Variants in ESRRA observed in about 807,000 individuals in gnomAD.
ESRRA encodes steroid hormone receptor ERR1.
Under a neutral mutation model 35.6 loss-of-function variants are expected in ESRRA, and 7 were observed. That is an observed-to-expected ratio of 0.20 (90% CI 0.11 to 0.37). The LOEUF (loss-of-function observed/expected upper bound fraction) is 0.37, where lower values mean the gene tolerates loss of function less well. Among genes scored for constraint, ESRRA ranks in the 10% least tolerant of loss-of-function variants. The pLI, the probability that ESRRA is intolerant of heterozygous loss-of-function variation, is 1.00. For missense variants in ESRRA, 378 were observed against 561.7 expected, an observed-to-expected ratio of 0.67 and a Z score of 3.31; for synonymous variants, 223 against 246.9, an observed-to-expected ratio of 0.90 and a Z score of 0.91.
chr11:64,310,738 G>C (rs1356192852), intron 2 of ESRRA, among the ~76,000 whole-genome samples: 4 of 151,828 alleles, frequency 2.6e-5, no homozygotes, highest in African/African-American at 9.7e-5. Flanking sequence ...AGTAGGGATG[G>C]GGTTTCACCA....
intron 1 of ESRRA, 84 bp from the exon 2 acceptor site, chr11:64,307,084 C>G (rs529323532): frequency 1.6e-6 from 2 of 1,233,906 alleles, no homozygotes; most frequent in Non-Finnish European, 2.2e-6. Flanking sequence ...GCCCTAGGCC[C>G]GAGGTTGGGC....
chr11:64,311,738 G>T (rs1403335275), intron 2 of ESRRA, among the ~76,000 whole-genome samples: 1 of 149,980 alleles, frequency 6.7e-6, no homozygotes, highest in Non-Finnish European at 1.5e-5. Flanking sequence ...CTGTTGCCAG[G>T]CTATAGTACA....
intron 2 of ESRRA, among the ~76,000 whole-genome samples, chr11:64,312,818 G>A (rs535544290): frequency 6.6e-6 from 1 of 152,318 alleles, no homozygotes; most frequent in African/African-American, 2.4e-5. Flanking sequence ...AGTGAGCAGA[G>A]GGAGGTGAGG....
chr11:64,306,048 TG>T (rs1223229953), intron 1 of ESRRA, among the ~76,000 whole-genome samples: 1 of 151,962 alleles, frequency 6.6e-6, no homozygotes, highest in Non-Finnish European at 1.5e-5. Context: ...CCGAAGTCCC[TG>T]GGGCTGGCCG....
intron 5 of ESRRA, 29 bp downstream of exon 5, chr11:64,314,940 C>T (rs771153783): frequency 1.9e-5 from 31 of 1,607,136 alleles, no homozygotes; most frequent in Non-Finnish European, 2.4e-5. Flanking sequence ...CCGGGGCTGC[C>T]CTGAACGGGC....
chr11:64,312,387 A>C (rs1420638502), intron 2 of ESRRA, among the ~76,000 whole-genome samples: 1 of 150,376 alleles, frequency 6.6e-6, no homozygotes, highest in Non-Finnish European at 1.5e-5. Context: ...TGATCCACCC[A>C]CCTCGGTCTC....
rs2035218923 is a variant in ESRRA, at chr11:64,315,075, G to A, written c.817G>A (p.Val273Met). The A allele has an allele frequency of 6.2e-7, 1 of 1,609,908 alleles. No homozygotes were observed. Among genetic ancestry groups the A allele is most frequent in the Non-Finnish European group, 8.5e-7 (1 of 1,179,308 alleles). ...SVWMEVLVLGVAQRSLPLQDE... is the reference protein window; with the variant it reads ...SVWMEVLVLGMAQRSLPLQDE... ...GTGGATGGAGGTGCTGGTGCTGGGT[G>A]TGGCCCAGCGCTCACTGCCACTGCA... is the stretch of plus-strand genomic sequence containing the variant. Residue 273 changes from valine (V) to methionine (M), a missense_variant, in exon 6 of 7, where the codon GTG (valine) becomes ATG (methionine). By Grantham distance (21) the Val-to-Met change is conservative. Transcript: ENST00000000442.
chr11:64,315,026 CCAGATGT>C lies in ESRRA; in HGVS notation c.772_778del (p.Met258TyrfsTer31), dbSNP rs1480124961. On this transcript the variant is annotated frameshift_variant, in exon 6 of 7. Coordinates refer to ENST00000000442, the MANE Select transcript of ESRRA (RefSeq NM_004451.5). LOFTEE classifies it high-confidence loss of function. ...GCTTCTCATCGCTGTCGCTGTCTGA[CCAGATGT>C]CAGTACTGCAGAGCGTGTGGATGGA... 6.2e-7 allele frequency: 1 copy of C among 1,602,680 alleles called. No individual in the cohort carries two copies. The highest frequency in any genetic ancestry group is 1.3e-5 in the African/African-American group (1 of 74,866).
Position 64,307,242 on chromosome 11 carries a change from C to G in ESRRA, c.63C>G (p.Asp21Glu), listed in dbSNP as rs1462009441. 2 of 1,612,552 alleles carry G rather than the reference C, an allele frequency of 1.2e-6. No homozygotes were observed. ...TCAAGGCAGAGCCGGCCAGCCCTGA[C>G]AGTCCAAAGGGTTCCTCGGAGACAG... is the stretch of plus-strand genomic sequence containing the variant. ...LYIKAEPASP[D>E]SPKGSSETET... is the part of the protein sequence containing the mutation. The change falls in exon 2 of 7, where the codon GAC (aspartate) becomes GAG (glutamate). Residue 21 changes from aspartate (D) to glutamate (E), a missense_variant. Coordinates refer to ENST00000000442, the MANE Select transcript of ESRRA (RefSeq NM_004451.5).
rs1565377066 is a variant in ESRRA, at chr11:64,313,687, G to A, written c.326-264G>A. 3 of 393,058 alleles carry A rather than the reference G, an allele frequency of 7.6e-6. No homozygotes were observed. The highest frequency in any genetic ancestry group is 6.6e-4 in the Middle Eastern group (1 of 1,520). 24.3% of individuals were successfully genotyped at this position (393,058 alleles called of 1,614,324 possible). On this transcript the variant is annotated intron_variant, in intron 2 of 6. Coordinates refer to ENST00000000442, the MANE Select transcript of ESRRA (RefSeq NM_004451.5). This position sits in a 1 kb window ranked among gnomAD's most constrained non-coding sequence, Gnocchi z 4.0. ...AGAGGTCCTTGTGGCCCTTGATGTC[G>A]GCAGATGAGGGCAGTGTGGTCCAGA...
At chr11:64,314,138 G>A in intron 3 of ESRRA, 71 bp downstream of exon 3, 1 of 1,553,364 alleles carries the variant, frequency 6.4e-7, no homozygotes, top group Non-Finnish European at 8.7e-7. Flanking sequence ...GGTGAGGCCT[G>A]GGAGTTCTGG....
intron 1 of ESRRA, 126 bp from the exon 2 acceptor site, chr11:64,307,042 C>A (rs756021653): frequency 1.7e-5 from 12 of 714,744 alleles, no homozygotes; most frequent in East Asian, 2.9e-5. Context: ...CTCTGCCCCC[C>A]TTCTTCCCCA....
At chr11:64,308,981 G>T (rs1198333667) in intron 2 of ESRRA, among the ~76,000 whole-genome samples, 2 of 151,800 alleles carry the variant, frequency 1.3e-5, no homozygotes, top group Non-Finnish European at 2.9e-5. Flanking sequence ...CAAGCATGGT[G>T]GCATGCGCCT....
chr11:64,311,841 C>T (rs1222828539), intron 2 of ESRRA, among the ~76,000 whole-genome samples: 3 of 151,444 alleles, frequency 2.0e-5, no homozygotes, highest in African/African-American at 4.9e-5. Context: ...TACAGGCACA[C>T]GCCCAGCTAA....
Position 64,315,581 on chromosome 11 carries a change from TCA to T in ESRRA, c.1013-125_1013-124del, listed in dbSNP as rs2035232641. ...GAGCCGCAGCAATGAGTGGTGCCTC[TCA>T]GTCAGCCAATCAACAAATCCTCGTT... On this transcript the variant is annotated intron_variant, in intron 6 of 6. Coordinates refer to ENST00000000442, the MANE Select transcript of ESRRA (RefSeq NM_004451.5). 4 of 1,339,968 alleles carry T rather than the reference TCA, an allele frequency of 3.0e-6. No homozygotes were observed. In the Admixed American group the frequency reaches 7.6e-5, roughly 26 times the overall value. The allele number at this position is 1,339,968 out of a possible 1,614,324, so 83.0% of individuals were successfully genotyped here.
chr11:64,316,557 T>C lies in ESRRA; in HGVS notation c.*591T>C, dbSNP rs888783404. ...GTAGGAGAGCACTGCCTCTATGCCCTGCAGAGCAATAACACTATATTTATT... is the reference window on the plus strand; with the variant it reads ...GTAGGAGAGCACTGCCTCTATGCCCCGCAGAGCAATAACACTATATTTATT... On this transcript the variant is annotated 3_prime_UTR_variant, in exon 7 of 7. Transcript: ENST00000000442. 7 of 331,876 alleles carry C rather than the reference T, an allele frequency of 2.1e-5. No homozygotes were observed. The highest frequency in any genetic ancestry group is 2.3e-5 in the Non-Finnish European group (4 of 176,120). The allele number at this position is 331,876 out of a possible 1,614,324, so 20.6% of individuals were successfully genotyped here.
intron 3 of ESRRA, 58 bp downstream of exon 3, chr11:64,314,125 G>A (rs753225267): frequency 2.6e-6 from 4 of 1,549,994 alleles, no homozygotes; most frequent in East Asian, 2.3e-5. Flanking sequence ...CGGGCCAGGT[G>A]GGGGTGAGGC....
chr11:64,315,146 G>A lies in ESRRA; in HGVS notation c.888G>A (p.Gly296=). ...AGGACTTAGTCCTGGATGAAGAGGG[G>A]GCACGGGCAGCTGGCCTGGGGGAAC... The part of the protein sequence containing the change: ...FAEDLVLDEE[G]ARAAGLGELG... The change falls in exon 6 of 7, where the codon GGG becomes GGA. Residue 296 remains glycine, a synonymous_variant. Transcript: ENST00000000442. 1 of 1,612,888 alleles carries A rather than the reference G, an allele frequency of 6.2e-7. No individual in the cohort carries two copies. The highest frequency in any genetic ancestry group is 8.5e-7 in the Non-Finnish European group (1 of 1,180,002).
Position 64,315,261 on chromosome 11 carries a change from G to A in ESRRA, c.1003G>A (p.Ala335Thr), listed in dbSNP as rs2035223790. ...TGTTCTACTAAAGGCCTTGGCCCTT[G>A]CCAATTCAGGTGAGTCTGGGGCAGG... ...EYVLLKALAL[A>T]NSDSVHIEDA... The change falls in exon 6 of 7, where the codon GCC becomes ACC. Residue 335 changes from alanine to threonine, a missense_variant. Transcript: ENST00000000442. 1 of 1,559,856 alleles carries A rather than the reference G, an allele frequency of 6.4e-7. No individual in the cohort carries two copies. The highest frequency in any genetic ancestry group is 1.8e-5 in the Admixed American group (1 of 54,390).
Sources: gnomAD v4.1 joint callset for allele counts (sites outside exome capture counted in the v4.1 genomes callset) on GRCh38, gnomAD v4.1.1 for gene constraint, Gnocchi (gnomAD v3.1) non-coding constraint, MANE v1.5 for transcripts, NCBI Gene and HGNC (gene_info 2026-07-23, HGNC 2026-07-21) for gene names.